Variants in TRNAU1AP observed in about 807,000 individuals in gnomAD.
TRNAU1AP encodes the protein tRNA selenocysteine 1-associated protein 1.
TRNAU1AP carries 33 observed loss-of-function variants against 43.3 expected under a neutral mutation model. That is an observed-to-expected ratio of 0.76 (90% CI 0.58 to 1.02). TRNAU1AP has a LOEUF of 1.02. TRNAU1AP is among the 50% of genes least tolerant of loss of function. The pLI is 0.00. For missense variants in TRNAU1AP, 290 were observed against 362.7 expected, an observed-to-expected ratio of 0.80 and a Z score of 1.63; for synonymous variants, 143 against 129.1, an observed-to-expected ratio of 1.11 and a Z score of -0.73.
At chr1:28,571,782 C>CAAAAA (rs1264113652) in intron 7 of TRNAU1AP, 85 bp from the exon 8 acceptor site, 2 of 920,148 alleles carry the variant, frequency 2.2e-6, no homozygotes, top group South Asian at 1.4e-5. Flanking sequence ...GACTCCACCT[C>CAAAAA]AAAAAAAATA....
Position 28,577,701 on chromosome 1 carries a change from G to T in TRNAU1AP, c.*65G>T, listed in dbSNP as rs1242131948. ...GATGAGAGACTCCTTTTTAAAAATT[G>T]TGAAACCTTTTTGGAAATATGATTT... is the stretch of plus-strand genomic sequence containing the variant. On this transcript the variant is annotated 3_prime_UTR_variant, in exon 9 of 9. Transcript: ENST00000373830. 1.3e-6 allele frequency: 2 copies of T among 1,506,994 alleles called. No homozygotes were observed. Among genetic ancestry groups the T allele is most frequent in the Non-Finnish European group, 1.8e-6 (2 of 1,116,994 alleles). The allele number at this position is 1,506,994 out of a possible 1,614,324, so 93.4% of individuals were successfully genotyped here. A position where few individuals can be genotyped will look rare whatever the true frequency, so the allele number is the denominator to read the frequency against.
At chr1:28,553,577 C>A in intron 1 of TRNAU1AP, 63 bp from the exon 2 acceptor site, 1 of 1,522,728 alleles carries the variant, frequency 6.6e-7, no homozygotes, top group Non-Finnish European at 9.1e-7. Flanking sequence ...GGGAGGGGCT[C>A]TGGAACCCGG....
At chr1:28,564,086 G>A (rs1254890739) in intron 4 of TRNAU1AP, among the ~76,000 whole-genome samples, 2 of 152,064 alleles carry the variant, frequency 1.3e-5, no homozygotes, top group Non-Finnish European at 2.9e-5. Flanking sequence ...CCAACTTGGC[G>A]AAACCCCGTC....
Position 28,567,345 on chromosome 1 carries a change from G to T in TRNAU1AP, c.462G>T (p.Leu154=). The change falls in exon 6 of 9, where the codon CTG becomes CTT. Residue 154 remains leucine (L), a synonymous_variant. Coordinates refer to ENST00000373830, the MANE Select transcript of TRNAU1AP (RefSeq NM_017846.5). ...FTDELEQKRA[L]TECQGAVGLG... ...ATGAACTGGAACAGAAGCGAGCCCT[G>T]ACGGAGTGCCAGGGAGCAGTGGGAC... is the stretch of plus-strand genomic sequence containing the variant. 1 of 1,613,908 alleles carries T rather than the reference G, an allele frequency of 6.2e-7. No individual in the cohort carries two copies. The highest frequency in any genetic ancestry group is 1.1e-5 in the South Asian group (1 of 91,038).
intron 6 of TRNAU1AP, among the ~76,000 whole-genome samples, chr1:28,569,918 A>C (rs1318953396): frequency 1.3e-5 from 2 of 151,088 alleles, no homozygotes; most frequent in Non-Finnish European, 2.9e-5. Flanking sequence ...GGAGAATGGC[A>C]TGAACCCAGG....
intron 1 of TRNAU1AP, chr1:28,553,439 A>G: frequency 3.2e-6 from 2 of 626,488 alleles, no homozygotes; most frequent in Non-Finnish European, 5.7e-6. Flanking sequence ...TGGGGTTTCT[A>G]GGTCCAAGGG....
At chr1:28,568,079 G>T (rs1487466516) in intron 6 of TRNAU1AP, among the ~76,000 whole-genome samples, 1 of 152,148 alleles carries the variant, frequency 6.6e-6, no homozygotes, top group Admixed American at 6.5e-5. Context: ...CAGGAGAATC[G>T]CTTGAACCTG....
At chr1:28,569,645 T>C (rs1247975735) in intron 6 of TRNAU1AP, among the ~76,000 whole-genome samples, 4 of 148,466 alleles carry the variant, frequency 2.7e-5, no homozygotes, top group African/African-American at 1.0e-4. Context: ...TGAGCCAAGA[T>C]TGTGCCACTG....
At chr1:28,553,251 CG>C in intron 1 of TRNAU1AP, 114 bp downstream of exon 1, 1 of 1,195,870 alleles carries the variant, frequency 8.4e-7, no homozygotes, top group Non-Finnish European at 1.1e-6. Flanking sequence ...AGACGTGTGA[CG>C]GGGGTTCTTT....
chr1:28,568,190 ACT>A (rs556904453), intron 6 of TRNAU1AP, among the ~76,000 whole-genome samples: 26 of 151,908 alleles, frequency 1.7e-4, no homozygotes, highest in Non-Finnish European at 2.9e-4. Flanking sequence ...TTTTCCAGAC[ACT>A]CTACAGAACA....
chr1:28,562,584 GTT>G (rs1300578163), intron 4 of TRNAU1AP, among the ~76,000 whole-genome samples: 2 of 144,294 alleles, frequency 1.4e-5, no homozygotes, highest in Admixed American at 7.0e-5. Flanking sequence ...GCACTTTTGT[GTT>G]TTTTTTTTTT....
intron 2 of TRNAU1AP, among the ~76,000 whole-genome samples, chr1:28,555,331 C>T (rs1396915561): frequency 1.3e-5 from 2 of 151,962 alleles, no homozygotes; most frequent in Non-Finnish European, 2.9e-5. Flanking sequence ...ATGGAGTTTA[C>T]TACATTCTAG....
Position 28,560,630 on chromosome 1 carries a change from C to G in TRNAU1AP, c.126-3C>G. 1 of 1,611,536 alleles carries G rather than the reference C, an allele frequency of 6.2e-7. No individual in the cohort carries two copies. Among genetic ancestry groups the G allele is most frequent in the Non-Finnish European group, 8.5e-7 (1 of 1,178,954 alleles). On this transcript the variant is annotated splice_region_variant and splice_polypyrimidine_tract_variant and intron_variant, in intron 2 of 8. Transcript: ENST00000373830. ...TTTCTTTCTCTATTTGCTTTTTTTC[C>G]AGGATCCCAGCTGGCTACTGCTTTG...
chr1:28,571,498 T>C (rs952529625), intron 7 of TRNAU1AP, among the ~76,000 whole-genome samples, 160 bp downstream of exon 7: 2 of 152,104 alleles, frequency 1.3e-5, no homozygotes, highest in African/African-American at 4.8e-5. Flanking sequence ...TAAGCCATTG[T>C]GGGTAGGGCC....
chr1:28,568,235 G>A (rs1665583123), intron 6 of TRNAU1AP, among the ~76,000 whole-genome samples: 1 of 152,126 alleles, frequency 6.6e-6, no homozygotes, highest in South Asian at 2.1e-4. Context: ...TGTCATGCTA[G>A]GTAGAAAATC....
chr1:28,569,721 T>A (rs866489815), intron 6 of TRNAU1AP, among the ~76,000 whole-genome samples: 1 of 136,572 alleles, frequency 7.3e-6, no homozygotes, highest in Non-Finnish European at 1.5e-5. Context: ...GTGCAGTGGC[T>A]CACGCCTGTA....
intron 8 of TRNAU1AP, among the ~76,000 whole-genome samples, chr1:28,577,196 C>G (rs1665808263): frequency 6.6e-6 from 1 of 152,190 alleles, no homozygotes; most frequent in Non-Finnish European, 1.5e-5. Context: ...TAACTTTGAT[C>G]AGACCTTCTA....
Position 28,578,169 on chromosome 1 carries a change from T to G in TRNAU1AP, c.*533T>G, listed in dbSNP as rs555269967. The G allele has an allele frequency of 1.9e-5, 3 of 157,664 alleles. No homozygotes were observed. Among genetic ancestry groups the G allele is most frequent in the African/African-American group, 4.8e-5 (2 of 41,584 alleles). The allele number at this position is 157,664 out of a possible 1,614,324, so 9.8% of individuals were successfully genotyped here. ...GCCTAAGAATTAGTACTTGCTCTAA[T>G]AATGGGTTTCATCTATTTTCATGAG... is the stretch of plus-strand genomic sequence containing the variant. On this transcript the variant is annotated 3_prime_UTR_variant, in exon 9 of 9. Transcript: ENST00000373830.
rs1452889977 is a variant in TRNAU1AP, at chr1:28,571,917, TC to T, written c.727+19del. ...CATTGGAAGGTAAGGGTTCATACGTTCCTTACTCTGTCAGCCATTATCAGGT... is the reference window on the plus strand; with the variant it reads ...CATTGGAAGGTAAGGGTTCATACGTTCTTACTCTGTCAGCCATTATCAGGT... On this transcript the variant is annotated intron_variant, in intron 8 of 8. Transcript: ENST00000373830. 5 of 1,610,198 alleles carry T rather than the reference TC, an allele frequency of 3.1e-6. No homozygotes were observed. Among genetic ancestry groups the T allele is most frequent in the Admixed American group, 1.7e-5 (1 of 59,970 alleles).
Sources: allele counts gnomAD v4.1 joint callset (sites outside exome capture counted in the v4.1 genomes callset), GRCh38; gene constraint gnomAD v4.1.1; transcripts MANE v1.5; gene names NCBI Gene and HGNC (gene_info 2026-07-23, HGNC 2026-07-21).